Variants in CFAP46 observed in about 807,000 individuals in gnomAD.
The protein encoded by CFAP46 is cilia- and flagella-associated protein 46.
Under a neutral mutation model 325.7 loss-of-function variants are expected in CFAP46, and 245 were observed. The observed-to-expected ratio is 0.75, with a 90% CI of 0.68 to 0.84. CFAP46 has a LOEUF of 0.84. Ranked by LOEUF, CFAP46 falls within the 40% of genes least tolerant of loss-of-function variation. CFAP46 has a pLI of 0.00. For missense variants in CFAP46, 3,346 were observed against 3,543.0 expected (o/e 0.94, Z 1.41); for synonymous variants, 1,523 against 1,495.9 (o/e 1.02, Z -0.42).
chr10:132,843,559 C>T (rs1475447935), intron 44 of CFAP46, among the ~76,000 whole-genome samples: 1 of 142,394 alleles, frequency 7.0e-6, no homozygotes, highest in Admixed American at 7.0e-5. Flanking sequence ...GGTGGGTGTT[C>T]CCAGGGTGCC....
rs749203737 is a variant in CFAP46, at chr10:132,814,140, C to T, written c.7388+12G>A. The T allele has an allele frequency of 2.5e-6, 4 of 1,611,486 alleles. No homozygotes were observed. Among genetic ancestry groups the T allele is most frequent in the African/African-American group, 1.3e-5 (1 of 75,014 alleles). On this transcript the variant is annotated intron_variant, in intron 54 of 57. Transcript: ENST00000368586. ...CACACTGCAAACGGCTCCTGGGAGC[C>T]CAGATCCGAACCTGGGAAAGTGCTT...
chr10:132,912,590 TC>T lies in CFAP46; in HGVS notation c.2499+64del, dbSNP rs1564798439. ...CCTCTTTCACCTCTCCTCTCCTCTCTCTCTCTCCTCTCTCCTCTCTCTCTCT... is the reference window on the plus strand; with the variant it reads ...CCTCTTTCACCTCTCCTCTCCTCTCTTCTCTCCTCTCTCCTCTCTCTCTCT... On this transcript the variant is annotated intron_variant, in intron 19 of 57. Coordinates refer to ENST00000368586, the MANE Select transcript of CFAP46 (RefSeq NM_001200049.3). 62 of 1,416,578 alleles carry T rather than the reference TC, an allele frequency of 4.4e-5. No homozygotes were observed. The Admixed American group carries it at 1.4e-3, about 32-fold the overall frequency. 87.8% of individuals were successfully genotyped at this position (1,416,578 alleles called of 1,614,324 possible). A position where few individuals can be genotyped will look rare whatever the true frequency, so the allele number is the denominator to read the frequency against.
Position 132,938,718 on chromosome 10 carries a change from T to C in CFAP46, c.407A>G (p.Tyr136Cys), listed in dbSNP as rs141555864. 3.7e-6 allele frequency: 6 copies of C among 1,613,376 alleles called. No individual in the cohort carries two copies. In the African/African-American group the frequency reaches 6.7e-5, roughly 18 times the overall value. The change falls in exon 5 of 58, where the codon TAC becomes TGC. Residue 136 changes from tyrosine to cysteine, a missense_variant. Transcript: ENST00000368586. The stretch of plus-strand genomic sequence containing the variant: ...GAGGAACGGCCTCACCATCTGCCAG[T>C]AGAGGACTGATGCATTGTACACCAA... ...YFLVYNASVL[Y>C]WQMVRPFLKP...
In CFAP46 at chr10:132,869,379, G is replaced by A; in HGVS notation, c.4512-7C>T. On this transcript the variant is annotated splice_polypyrimidine_tract_variant and splice_region_variant and intron_variant, in intron 32 of 57. Transcript: ENST00000368586. The surrounding 1 kb of genome is among the most constrained non-coding windows in gnomAD (Gnocchi z 6.2). ...GGAGCACGCGTGGGCGAGGCTGTGG[G>A]GAGTGTGGCCGAAAGAGTCAGTGTT... The A allele has an allele frequency of 6.6e-7, 1 of 1,520,912 alleles. No individual in the cohort carries two copies. The allele number at this position is 1,520,912 out of a possible 1,614,324, so 94.2% of individuals were successfully genotyped here. A position where few individuals can be genotyped will look rare whatever the true frequency, so the allele number is the denominator to read the frequency against.
chr10:132,820,735 ACTGATGTGTGCTGTGTGTG>A (rs1847784672), intron 50 of CFAP46, among the ~76,000 whole-genome samples: 2 of 44,446 alleles, frequency 4.5e-5, no homozygotes, highest in Non-Finnish European at 1.0e-4. Context: ...CTGTGTGTGC[ACTGATGTGTGCTGTGTGTG>A]CTGATGTGTG....
In CFAP46 at chr10:132,860,938, G is replaced by A. The variant is rs12249250; in HGVS notation, c.4935C>T (p.Leu1645=). The A allele has an allele frequency of 2.6e-3, 4,074 of 1,550,716 alleles. 81 individuals carry two copies. In the African/African-American group the frequency reaches 0.044, roughly 17 times the overall value. The change falls in exon 36 of 58, where the codon CTC becomes CTT. Residue 1645 remains leucine, a synonymous_variant. Coordinates refer to ENST00000368586, the MANE Select transcript of CFAP46 (RefSeq NM_001200049.3). ...TTTTCTCCTTGTTGGCCAACTGTGC[G>A]AGGAGGAGCAGGCACTGGGCCTCTG... ...PCAEAQCLLL[L]AQLANKEKNY... is the part of the protein sequence containing the mutation.
chr10:132,837,644 C>T (rs1262415630), intron 44 of CFAP46, among the ~76,000 whole-genome samples: 2 of 148,206 alleles, frequency 1.3e-5, no homozygotes, highest in Non-Finnish European at 3.0e-5. Flanking sequence ...CACACACGCA[C>T]ACGTACACAG....
In CFAP46 at chr10:132,932,961, G is replaced by A. The variant is rs1009836327; in HGVS notation, c.866+1791C>T. Among the ~76,000 whole-genome samples the A allele has an allele frequency of 2.6e-5, 4 of 152,246 alleles. No homozygotes were observed. The East Asian group carries it at 7.7e-4, about 29-fold the overall frequency. Reference sequence around the variant, plus strand: ...TCCCTGCAGCTGCCCGCTAGATGAAGAGCAGCCGCCCACAGTGTCTCCAGA... The same window carrying A: ...TCCCTGCAGCTGCCCGCTAGATGAAAAGCAGCCGCCCACAGTGTCTCCAGA... On this transcript the variant is annotated intron_variant, in intron 8 of 57. Transcript: ENST00000368586.
At chr10:132,901,970 C>G (rs749948548) in intron 22 of CFAP46, among the ~76,000 whole-genome samples, 11 of 152,136 alleles carry the variant, frequency 7.2e-5, no homozygotes, top group Non-Finnish European at 1.6e-4. Context: ...CCTGGTTTTC[C>G]TGTATGCACA....
In CFAP46 at chr10:132,876,416, A is replaced by C. The variant is rs1848957935; in HGVS notation, c.4362+396T>G. 6.6e-6 allele frequency among the ~76,000 whole-genome samples: 1 copy of C among 152,166 alleles called. No homozygotes were observed. The highest frequency in any genetic ancestry group is 1.5e-5 in the Non-Finnish European group (1 of 68,030). ...GGCTGACCGGGATGAGGAAAGAGGG[A>C]TCTTCCCCGGCCCCTTTGGAGGGTG... On this transcript the variant is annotated intron_variant, in intron 31 of 57. Transcript: ENST00000368586. This position sits in a 1 kb window ranked among gnomAD's most constrained non-coding sequence, Gnocchi z 4.1.
intron 28 of CFAP46, 99 bp from the exon 29 acceptor site, chr10:132,879,730 G>T: frequency 8.2e-7 from 1 of 1,223,478 alleles, no homozygotes; most frequent in Non-Finnish European, 1.1e-6. Flanking sequence ...TGGACTGCCC[G>T]GTGCCTCGCG....
intron 10 of CFAP46, among the ~76,000 whole-genome samples, chr10:132,925,739 C>T (rs867212861): frequency 6.6e-6 from 1 of 152,272 alleles, no homozygotes; most frequent in Non-Finnish European, 1.5e-5. Flanking sequence ...CATCGGCACC[C>T]GCCGGGCTGT....
Position 132,859,132 on chromosome 10 carries a change from T to TA in CFAP46, c.5313dup (p.Ile1772TyrfsTer11). 6.4e-7 allele frequency: 1 copy of TA among 1,550,644 alleles called. No individual in the cohort carries two copies. Among genetic ancestry groups the TA allele is most frequent in the Non-Finnish European group, 8.7e-7 (1 of 1,146,898 alleles). On this transcript the variant is annotated frameshift_variant, in exon 38 of 58. Coordinates refer to ENST00000368586, the MANE Select transcript of CFAP46 (RefSeq NM_001200049.3). LOFTEE classifies it high-confidence loss of function. ...CAATTCTCTTTGCAGCCACAGTCGA[T>TA]AAACTTTCTCTCAATTTCCAACAGG...
At chr10:132,859,705 A>G (rs1848697513) in intron 37 of CFAP46, among the ~76,000 whole-genome samples, 1 of 152,188 alleles carries the variant, frequency 6.6e-6, no homozygotes, top group South Asian at 2.1e-4. Flanking sequence ...CCTCGCGCCA[A>G]TGCAGGGAGC....
chr10:132,909,601 C>T (rs1353192292), intron 20 of CFAP46, among the ~76,000 whole-genome samples: 1 of 152,200 alleles, frequency 6.6e-6, no homozygotes, highest in Non-Finnish European at 1.5e-5. Flanking sequence ...CCTGGCCAGG[C>T]TCCAAGGCCC....
chr10:132,882,866 G>T (rs369164152), intron 27 of CFAP46, among the ~76,000 whole-genome samples: 1 of 152,100 alleles, frequency 6.6e-6, no homozygotes, highest in East Asian at 1.9e-4. Context: ...GTACGCGGGG[G>T]AGGGCCTTGG....
At chr10:132,846,657 G>A (rs915592016) in intron 43 of CFAP46, among the ~76,000 whole-genome samples, 1 of 152,190 alleles carries the variant, frequency 6.6e-6, no homozygotes, top group Non-Finnish European at 1.5e-5. Flanking sequence ...TCCTCTGTGG[G>A]ACCTCTGTGA....
Position 132,859,261 on chromosome 10 carries a change from G to A in CFAP46, c.5199-14C>T, listed in dbSNP as rs560265207. On this transcript the variant is annotated splice_polypyrimidine_tract_variant and intron_variant, in intron 37 of 57. Transcript: ENST00000368586. The stretch of plus-strand genomic sequence containing the variant: ...AGGCTCAGGCACCTGACGGAGGGAC[G>A]GTTTGGGGCCTGGAGTCAGAAGCCC... 6 of 1,543,316 alleles carry A rather than the reference G, an allele frequency of 3.9e-6. No individual in the cohort carries two copies. Among genetic ancestry groups the A allele is most frequent in the African/African-American group, 1.4e-5 (1 of 73,080 alleles).
chr10:132,810,895 G>A (rs1847567174), intron 56 of CFAP46, 55 bp downstream of exon 56: 3 of 1,503,786 alleles, frequency 2.0e-6, no homozygotes, highest in Non-Finnish European at 2.7e-6. Flanking sequence ...ACGCCCGTCT[G>A]TCTGACCTCT....
Sources: gnomAD v4.1 joint callset for allele counts (sites outside exome capture counted in the v4.1 genomes callset) on GRCh38, gnomAD v4.1.1 for gene constraint, Gnocchi (gnomAD v3.1) non-coding constraint, MANE v1.5 for transcripts, NCBI Gene and HGNC (gene_info 2026-07-23, HGNC 2026-07-21) for gene names.